ASIC2: variants seen among roughly 807,000 people sequenced by gnomAD.
ASIC2 encodes the protein acid sensing ion channel subunit 2.
Under a neutral mutation model 57.3 loss-of-function variants are expected in ASIC2, and 25 were observed. The observed-to-expected ratio is 0.44, with a 90% CI of 0.32 to 0.61. The LOEUF (loss-of-function observed/expected upper bound fraction) is 0.61, where lower values mean the gene tolerates loss of function less well. Among genes scored for constraint, ASIC2 ranks in the 20% least tolerant of loss-of-function variants. The pLI, the probability that ASIC2 is intolerant of heterozygous loss-of-function variation, is 0.06. For missense variants in ASIC2, 641 were observed against 738.1 expected (o/e 0.87, Z 1.52); for synonymous variants, 319 against 307.5 (o/e 1.04, Z -0.39).
chr17:33,516,520 T>C (rs1914577342), intron 1 of ASIC2, among the ~76,000 whole-genome samples: 1 of 152,102 alleles, frequency 6.6e-6, no homozygotes, highest in African/African-American at 2.4e-5. Context: ...TAGAAAGACT[T>C]GAAAATGCCG....
chr17:33,308,524 C>G (rs1028351106), intron 1 of ASIC2, among the ~76,000 whole-genome samples: 2 of 152,164 alleles, frequency 1.3e-5, no homozygotes, highest in African/African-American at 4.8e-5. Context: ...AAGACCAGCC[C>G]AGCCAGAAAC....
At chr17:33,308,311 C>T (rs1908957) in intron 1 of ASIC2, among the ~76,000 whole-genome samples, 19,842 of 152,218 alleles carry the variant, frequency 0.13, 1,376 homozygotes, top group East Asian at 0.27. Context: ...CCCCTCTTTT[C>T]AAGGGGAAGA....
intron 1 of ASIC2, among the ~76,000 whole-genome samples, chr17:33,172,810 C>T (rs1331107510): frequency 6.6e-6 from 1 of 152,178 alleles, no homozygotes; most frequent in Admixed American, 6.5e-5. Context: ...CTCTGGTCCT[C>T]CTGAATCAGA....
intron 1 of ASIC2, among the ~76,000 whole-genome samples, chr17:33,517,427 A>G (rs1380262893): frequency 6.6e-6 from 1 of 152,164 alleles, no homozygotes; most frequent in Non-Finnish European, 1.5e-5. Flanking sequence ...TTTGCTGCGT[A>G]TTAAATTACC....
At chr17:33,744,290 G>A (rs374508278) in intron 1 of ASIC2, among the ~76,000 whole-genome samples, 7 of 152,182 alleles carry the variant, frequency 4.6e-5, no homozygotes, top group African/African-American at 1.7e-4. Flanking sequence ...AAACTGCTGA[G>A]CAATTTATGT....
chr17:33,516,409 T>TGTGTGAGA lies in ASIC2; in HGVS notation c.556-404343_556-404342insTCTCACAC, dbSNP rs760310669. Among the ~76,000 whole-genome samples the TGTGTGAGA allele has an allele frequency of 6.7e-3, 989 of 147,660 alleles. 13 individuals carry two copies. The highest frequency in any genetic ancestry group is 0.024 in the African/African-American group (955 of 38,984). ...TTGTAAGTGTGTTTGTGAGTGTGAG[T>TGTGTGAGA]GTGTGTGTGTGTGTGTGTGTATGGA... On this transcript the variant is annotated intron_variant, in intron 1 of 9. Coordinates refer to the ASIC2 transcript ENST00000359872.
chr17:34,148,575 A>G (rs1000395007), intron 1 of ASIC2, among the ~76,000 whole-genome samples: 6 of 152,192 alleles, frequency 3.9e-5, no homozygotes, highest in African/African-American at 1.2e-4. Context: ...CGGGAGAGTC[A>G]GGATCTACAT....
At chr17:33,674,023 A>G (rs910291381) in intron 1 of ASIC2, among the ~76,000 whole-genome samples, 1 of 151,788 alleles carries the variant, frequency 6.6e-6, no homozygotes, top group Non-Finnish European at 1.5e-5. Flanking sequence ...CCTCCTGAGT[A>G]GCTGGGGCTA....
intron 1 of ASIC2, among the ~76,000 whole-genome samples, chr17:34,125,769 G>C (rs1397554548): frequency 6.6e-6 from 1 of 152,204 alleles, no homozygotes; most frequent in Non-Finnish European, 1.5e-5. Flanking sequence ...GTGTTCTCAT[G>C]CCTAGATGTC....
intron 1 of ASIC2, among the ~76,000 whole-genome samples, chr17:33,616,979 C>T (rs1905625506): frequency 6.6e-6 from 1 of 152,208 alleles, no homozygotes; most frequent in Non-Finnish European, 1.5e-5. Flanking sequence ...TTCCTCGGCC[C>T]TTTCAAGGGT....
At chr17:34,135,207 G>A (rs1428270416) in intron 1 of ASIC2, among the ~76,000 whole-genome samples, 1 of 152,230 alleles carries the variant, frequency 6.6e-6, no homozygotes, top group Admixed American at 6.5e-5. Flanking sequence ...GCGATGGCCT[G>A]GTCAGCCTAC....
chr17:34,155,638 C>G (rs1380385628), intron 1 of ASIC2: 3 of 291,532 alleles, frequency 1.0e-5, no homozygotes, highest in African/African-American at 4.4e-5. Context: ...CTGTTCCAAT[C>G]ACACAGCTCG....
intron 1 of ASIC2, among the ~76,000 whole-genome samples, chr17:33,568,647 C>A (rs1356991115): frequency 2.0e-5 from 3 of 152,156 alleles, no homozygotes; most frequent in Admixed American, 6.5e-5. Context: ...AGGGATATAT[C>A]TGCCTTTTTA....
Position 33,760,163 on chromosome 17 carries a change from T to TTATAAAAAATATAATGA in ASIC2, c.555+395814_555+395815insTCATTATATTTTTTATA, listed in dbSNP as rs1284298047. ...AAAAGTATCTAAGAATTATAATGAC[T>TTATAAAAAATATAATGA]CAAAAAAAAATGGACTTATTTGACA... On this transcript the variant is annotated intron_variant, in intron 1 of 9. Transcript: ENST00000359872. Among the ~76,000 whole-genome samples, 446 of 125,568 alleles carry TTATAAAAAATATAATGA rather than the reference T, an allele frequency of 3.6e-3. 1 individual carries two copies. Among genetic ancestry groups the TTATAAAAAATATAATGA allele is most frequent in the African/African-American group, 0.012 (430 of 37,342 alleles). 82.4% of individuals were successfully genotyped at this position (125,568 alleles called of 152,430 possible).
intron 1 of ASIC2, among the ~76,000 whole-genome samples, chr17:33,753,935 G>A (rs1010870432): frequency 6.6e-6 from 1 of 152,136 alleles, no homozygotes; most frequent in Admixed American, 6.6e-5. Context: ...TCACACTAAT[G>A]CCTGTTGTTA....
chr17:33,292,233 G>A lies in ASIC2; in HGVS notation c.-118C>T. ...GCAGCCGCGCGCAGCCCGCGCCAGGGAAGCGTGCGCCCGAAAGGAGCTCCG... is the reference window on the plus strand; with the variant it reads ...GCAGCCGCGCGCAGCCCGCGCCAGGAAAGCGTGCGCCCGAAAGGAGCTCCG... On this transcript the variant is annotated 5_prime_UTR_variant, in exon 1 of 10. Transcript: ENST00000225823. 2.0e-6 allele frequency: 2 copies of A among 997,892 alleles called. No homozygotes were observed. Among genetic ancestry groups the A allele is most frequent in the Non-Finnish European group, 2.4e-6 (2 of 840,022 alleles). The allele number at this position is 997,892 out of a possible 1,614,324, so 61.8% of individuals were successfully genotyped here. A position where few individuals can be genotyped will look rare whatever the true frequency, so the allele number is the denominator to read the frequency against.
chr17:33,023,906 G>A lies in ASIC2; in HGVS notation c.1304C>T (p.Ala435Val). The A allele has an allele frequency of 6.2e-7, 1 of 1,614,186 alleles. No individual in the cohort carries two copies. The highest frequency in any genetic ancestry group is 1.1e-5 in the South Asian group (1 of 91,084). ...GTTAAATTTCTTCTCAAGGTACTTG[G>A]CTGATGTCTTGCTGGGGATCTTCAC... The part of the protein sequence containing the change: ...SMVKIPSKTS[A>V]KYLEKKFNKS... Residue 435 changes from alanine to valine, a missense_variant, in exon 6 of 10, where the codon GCC (alanine) becomes GTC (valine). Ala to Val is a moderately conservative substitution (Grantham distance 64). Coordinates refer to ENST00000225823, the MANE Select transcript of ASIC2 (RefSeq NM_183377.2).
intron 1 of ASIC2, chr17:34,000,739 C>T (rs1188990624): frequency 6.6e-6 from 1 of 152,146 alleles, no homozygotes; most frequent in Non-Finnish European, 1.5e-5. Flanking sequence ...ATGGTATCCC[C>T]CACGTCCTGT....
chr17:34,155,789 T>C, intron 1 of ASIC2: 1 of 632,728 alleles, frequency 1.6e-6, no homozygotes, highest in Non-Finnish European at 2.7e-6. Flanking sequence ...AGCAGTGCTC[T>C]ATCCTGGCCG....
Sources: gnomAD v4.1 joint callset for allele counts (sites outside exome capture counted in the v4.1 genomes callset) on GRCh38, gnomAD v4.1.1 for gene constraint, MANE v1.5 for transcripts, NCBI Gene and HGNC (gene_info 2026-07-23, HGNC 2026-07-21) for gene names.